ST7: variants seen among roughly 807,000 people sequenced by gnomAD.
ST7 encodes the protein suppression of tumorigenicity 7, also known as suppressor of tumorigenicity 7 protein.
A neutral mutation model predicts 78.7 loss-of-function variants in ST7; 28 were observed. The observed-to-expected ratio is 0.36, with a 90% CI of 0.26 to 0.49. The LOEUF (loss-of-function observed/expected upper bound fraction) is 0.49. Among genes scored for constraint, ST7 ranks in the 20% least tolerant of loss-of-function variants. The pLI, the probability that ST7 is intolerant of heterozygous loss-of-function variation, is 0.99. For synonymous variants in ST7, 247 were observed against 249.6 expected (o/e 0.99, Z 0.10); for missense variants, 418 against 696.0 (o/e 0.60, Z 4.49).
intron 13 of ST7, among the ~76,000 whole-genome samples, chr7:117,212,831 A>G (rs191052139): frequency 1.3e-5 from 2 of 152,354 alleles, no homozygotes; most frequent in African/African-American, 4.8e-5. Context: ...TAAAAAAACA[A>G]AGCTGTAAAT....
intron 1 of ST7, among the ~76,000 whole-genome samples, chr7:116,996,099 T>G (rs1001786080): frequency 6.6e-6 from 1 of 151,218 alleles, no homozygotes; most frequent in Non-Finnish European, 1.5e-5. Context: ...TTTTTTTTTT[T>G]GAGACGGAGT....
chr7:117,104,788 C>T lies in ST7; in HGVS notation c.234+4944C>T, dbSNP rs182952795. ...TGCAGAGATGAACAGAAAACTTCCC[C>T]TTCATCCTTGAAAGGTTGACAGAAA... On this transcript the variant is annotated intron_variant, in intron 2 of 15. Coordinates refer to ENST00000323984, the MANE Select transcript of ST7 (RefSeq NM_001369598.1). Among the ~76,000 whole-genome samples the T allele has an allele frequency of 3.1e-4, 47 of 152,324 alleles. No individual in the cohort carries two copies. The East Asian group carries it at 8.3e-3, about 27-fold the overall frequency.
intron 1 of ST7, among the ~76,000 whole-genome samples, chr7:117,001,703 T>C (rs1264643474): frequency 1.3e-5 from 2 of 152,178 alleles, no homozygotes; most frequent in Non-Finnish European, 2.9e-5. Context: ...TTTTTGTAAT[T>C]ATGGGTGATA....
chr7:116,955,112 G>C, intron 1 of ST7: 1 of 471,012 alleles, frequency 2.1e-6, no homozygotes, highest in East Asian at 6.9e-5. Flanking sequence ...CATCTTTTTG[G>C]ATGGCTGCTT....
intron 1 of ST7, among the ~76,000 whole-genome samples, chr7:117,048,744 A>C (rs1797616706): frequency 6.6e-6 from 1 of 152,208 alleles, no homozygotes; most frequent in South Asian, 2.1e-4. Flanking sequence ...GGTGGCTTTC[A>C]CTGCTTTTTG....
rs1412224648 is a variant in ST7, at chr7:117,086,259, A to G, written c.152-13503A>G. ...GGTTGGCCTTCCAGTGGTAATACTC[A>G]TTTGTAATACAACTGGGCCAGAGGT... On this transcript the variant is annotated intron_variant, in intron 1 of 15. Transcript: ENST00000323984. 2.0e-5 allele frequency among the ~76,000 whole-genome samples: 3 copies of G among 152,176 alleles called. No individual in the cohort carries two copies. In the South Asian group the frequency reaches 6.2e-4, roughly 32 times the overall value.
chr7:117,147,586 T>C (rs1482860856), intron 9 of ST7, among the ~76,000 whole-genome samples: 1 of 152,108 alleles, frequency 6.6e-6, no homozygotes, highest in African/African-American at 2.4e-5. Flanking sequence ...TTTATTTGGC[T>C]AGTTTTTACT....
chr7:116,966,102 G>T (rs991759459), intron 1 of ST7: 2 of 465,196 alleles, frequency 4.3e-6, no homozygotes, highest in Non-Finnish European at 8.9e-6. Context: ...ATTTTAACAT[G>T]TTTTCTTCTG....
chr7:117,089,580 T>G (rs1468042592), intron 1 of ST7, among the ~76,000 whole-genome samples: 1 of 151,162 alleles, frequency 6.6e-6, no homozygotes, highest in South Asian at 2.1e-4. Context: ...TTTTGTTTTT[T>G]TTTTTTTTTG....
At chr7:116,979,191 T>C (rs569744933) in intron 1 of ST7, among the ~76,000 whole-genome samples, 15 of 152,250 alleles carry the variant, frequency 9.9e-5, no homozygotes, top group Non-Finnish European at 2.2e-4. Flanking sequence ...GGGTCTTTCA[T>C]TGGCTGAACC....
At chr7:117,069,114 A>G (rs899370083) in intron 1 of ST7, among the ~76,000 whole-genome samples, 2 of 152,250 alleles carry the variant, frequency 1.3e-5, no homozygotes, top group Non-Finnish European at 2.9e-5. Flanking sequence ...AGCTAAAATG[A>G]AGGAAAGAAT....
chr7:117,125,968 G>A (rs1432000767), intron 3 of ST7, among the ~76,000 whole-genome samples: 1 of 151,944 alleles, frequency 6.6e-6, no homozygotes, highest in African/African-American at 2.4e-5. Context: ...AGGGAAATTA[G>A]CTTTTCTGTA....
intron 1 of ST7, chr7:117,015,056 C>A: frequency 1.0e-6 from 1 of 988,626 alleles, no homozygotes; most frequent in South Asian, 2.9e-5. Flanking sequence ...TGTAGAATTA[C>A]TTTAAAAATA....
chr7:117,070,922 T>G (rs1798911239), intron 1 of ST7, among the ~76,000 whole-genome samples: 1 of 152,146 alleles, frequency 6.6e-6, no homozygotes, highest in Admixed American at 6.5e-5. Flanking sequence ...GTGCATTTTT[T>G]GTGCATTTCA....
chr7:117,010,422 A>AT (rs1795340917), intron 1 of ST7, among the ~76,000 whole-genome samples: 1 of 152,218 alleles, frequency 6.6e-6, no homozygotes, highest in Admixed American at 6.5e-5. Context: ...GGGATAGGCC[A>AT]TGAGGTAGAC....
chr7:117,018,594 C>T (rs866462355), intron 1 of ST7, among the ~76,000 whole-genome samples: 2 of 152,064 alleles, frequency 1.3e-5, no homozygotes, highest in East Asian at 1.9e-4. Flanking sequence ...GAGGCATTAT[C>T]GTAGTGTGCT....
intron 11 of ST7, among the ~76,000 whole-genome samples, chr7:117,189,777 G>A (rs913335215): frequency 2.0e-5 from 3 of 152,154 alleles, no homozygotes; most frequent in Admixed American, 6.6e-5. Flanking sequence ...CGTGGAATGT[G>A]GCAGACAGGA....
intron 3 of ST7, among the ~76,000 whole-genome samples, chr7:117,121,770 T>C (rs1803384181): frequency 6.6e-6 from 1 of 152,114 alleles, no homozygotes; most frequent in African/African-American, 2.4e-5. Flanking sequence ...GAACTTTGCC[T>C]TTAAAAAAAT....
At chr7:117,223,217 C>T in intron 15 of ST7, 1 of 544,312 alleles carries the variant, frequency 1.8e-6, no homozygotes, top group Admixed American at 3.2e-5. Flanking sequence ...CCAAAGCATC[C>T]CTCTTAGTCT....
Sources: gnomAD v4.1 joint callset for allele counts (sites outside exome capture counted in the v4.1 genomes callset) on GRCh38, gnomAD v4.1.1 for gene constraint, MANE v1.5 for transcripts, NCBI Gene and HGNC (gene_info 2026-07-23, HGNC 2026-07-21) for gene names.